HRH1: variants seen among roughly 807,000 people sequenced by gnomAD.
The protein encoded by HRH1 is histamine receptor H1.
Under a neutral mutation model 10.3 loss-of-function variants are expected in HRH1, and 6 were observed. The observed-to-expected ratio is 0.58, with a 90% CI of 0.32 to 1.15. The LOEUF (loss-of-function observed/expected upper bound fraction) is 1.15, where lower values mean the gene tolerates loss of function less well. Ranked by LOEUF, HRH1 falls within the 50% of genes most tolerant of loss-of-function variation. The probability of loss-of-function intolerance (pLI) is 0.05; values close to 1 mark genes in which losing one functional copy is unlikely to be tolerated. For missense variants in HRH1, 514 were observed against 615.3 expected, an observed-to-expected ratio of 0.84 and a Z score of 1.74; for synonymous variants, 242 against 236.7, an observed-to-expected ratio of 1.02 and a Z score of -0.21.
chr3:11,200,000 AC>A (rs1937840765), intron 1 of HRH1, among the ~76,000 whole-genome samples: 1 of 152,160 alleles, frequency 6.6e-6, no homozygotes, highest in Non-Finnish European at 1.5e-5. Context: ...TGGACATGAC[AC>A]ATGTGGGAGG....
intron 1 of HRH1, among the ~76,000 whole-genome samples, chr3:11,193,607 A>G (rs967148029): frequency 1.3e-5 from 2 of 151,598 alleles, no homozygotes; most frequent in African/African-American, 2.4e-5. Flanking sequence ...TCAGGCTGCT[A>G]TAACGAAATG....
At chr3:11,231,087 A>T (rs764725289) in intron 1 of HRH1, among the ~76,000 whole-genome samples, 1 of 152,176 alleles carries the variant, frequency 6.6e-6, no homozygotes, top group Non-Finnish European at 1.5e-5. Flanking sequence ...TGTTACATAA[A>T]TGTCACACAG....
chr3:11,189,184 G>T (rs1008310864), intron 1 of HRH1, among the ~76,000 whole-genome samples: 2 of 151,152 alleles, frequency 1.3e-5, no homozygotes, highest in African/African-American at 4.9e-5. Context: ...CTGTGTAGAT[G>T]CAACCCCAGA....
chr3:11,246,771 C>T (rs969547923), intron 1 of HRH1, among the ~76,000 whole-genome samples: 9 of 152,230 alleles, frequency 5.9e-5, no homozygotes, highest in Admixed American at 6.5e-5. Context: ...TGGCTGGGCA[C>T]GGTGACTCAC....
upstream of HRH1, among the ~76,000 whole-genome samples, chr3:11,153,317 G>A (rs966791165): frequency 6.6e-6 from 1 of 152,076 alleles, no homozygotes; most frequent in African/African-American, 2.4e-5. Flanking sequence ...TGACACAATG[G>A]CCCCTGTCTT....
At chr3:11,236,738 C>A (rs530615930) in intron 1 of HRH1, among the ~76,000 whole-genome samples, 81 of 152,264 alleles carry the variant, frequency 5.3e-4, no homozygotes, top group African/African-American at 1.9e-3. Context: ...ATATAAATAA[C>A]CCCTGTATAT....
upstream of HRH1, among the ~76,000 whole-genome samples, chr3:11,153,943 A>C (rs1324495316): frequency 3.9e-5 from 6 of 152,060 alleles, no homozygotes; most frequent in Non-Finnish European, 8.8e-5. Context: ...TCCTACTGTC[A>C]ATCTTGTTCC....
chr3:11,173,334 A>C (rs1428448510), intron 1 of HRH1, among the ~76,000 whole-genome samples: 10 of 152,294 alleles, frequency 6.6e-5, no homozygotes, highest in Non-Finnish European at 1.5e-5. Context: ...GGTCTGGCAC[A>C]TTAGGAAATA....
Position 11,259,587 on chromosome 3 carries a change from T to A in HRH1, c.550T>A (p.Phe184Ile). 2 of 1,613,984 alleles carry A rather than the reference T, an allele frequency of 1.2e-6. No homozygotes were observed. Among genetic ancestry groups the A allele is most frequent in the East Asian group, 2.2e-5 (1 of 44,876 alleles). ...CCGAGAGGACAAGTGTGAGACAGAC[T>A]TCTATGATGTCACCTGGTTCAAGGT... ...VRREDKCETD[F>I]YDVTWFKVMT... Residue 184 changes from phenylalanine (F) to isoleucine (I), a missense_variant, in exon 2 of 2, where the codon TTC becomes ATC. Transcript: ENST00000431010. This position sits in a 1 kb window ranked among gnomAD's most constrained non-coding sequence, Gnocchi z 4.6.
At chr3:11,156,147 G>A (rs1936785993) in intron 1 of HRH1, among the ~76,000 whole-genome samples, 1 of 152,210 alleles carries the variant, frequency 6.6e-6, no homozygotes, top group Non-Finnish European at 1.5e-5. Context: ...ACAACCCCAT[G>A]TAAATCCTCG....
intron 1 of HRH1, among the ~76,000 whole-genome samples, chr3:11,209,042 A>C (rs1486116548): frequency 6.6e-6 from 1 of 152,230 alleles, no homozygotes; most frequent in African/African-American, 2.4e-5. Flanking sequence ...GCTAAAATCT[A>C]AACAGCCCAA....
At chr3:11,141,392 AATTT>A (rs1395569901) in intron 1 of HRH1, among the ~76,000 whole-genome samples, 3 of 152,176 alleles carry the variant, frequency 2.0e-5, no homozygotes, top group Non-Finnish European at 4.4e-5. Context: ...CAACAATAAT[AATTT>A]ATTGTCTTTT....
chr3:11,205,983 C>T (rs1408134665), intron 1 of HRH1, among the ~76,000 whole-genome samples: 1 of 152,014 alleles, frequency 6.6e-6, no homozygotes, highest in Non-Finnish European at 1.5e-5. Flanking sequence ...TTGCTGCTAT[C>T]AGATGGCTGC....
In HRH1 at chr3:11,260,715, G is replaced by C. The variant is rs1419561224; in HGVS notation, c.*214G>C. On this transcript the variant is annotated 3_prime_UTR_variant, in exon 2 of 2. Transcript: ENST00000431010. ...GAGATTGAACTTTGAGGAGGAAGCA[G>C]AATCTTTGCAAGAAAGTCAGACCTG... is the stretch of plus-strand genomic sequence containing the variant. 2.0e-5 allele frequency: 10 copies of C among 506,058 alleles called. No individual in the cohort carries two copies. The allele number at this position is 506,058 out of a possible 1,614,324, so 31.3% of individuals were successfully genotyped here.
At chr3:11,212,568 A>G (rs1467346011) in intron 1 of HRH1, among the ~76,000 whole-genome samples, 1 of 152,154 alleles carries the variant, frequency 6.6e-6, no homozygotes, top group East Asian at 1.9e-4. Flanking sequence ...AACCAAGGCA[A>G]TGGGCACTTT....
At chr3:11,154,425 C>T (rs1936728707), upstream of HRH1, 1 of 131,882 alleles carries the variant, frequency 7.6e-6, no homozygotes, top group Non-Finnish European at 1.6e-5. The surrounding 1 kb of genome is among the most constrained non-coding windows in gnomAD (Gnocchi z 4.4). Flanking sequence ...GTGGGCCCCT[C>T]GGAGCGGCTC....
In HRH1 at chr3:11,259,360, A is replaced by T. The variant is rs1376009394; in HGVS notation, c.323A>T (p.Tyr108Phe). ...TGCCTCTTTTGGCTTTCCATGGACTATGTGGCCAGCACAGCGTCCATTTTC... is the reference window on the plus strand; with the variant it reads ...TGCCTCTTTTGGCTTTCCATGGACTTTGTGGCCAGCACAGCGTCCATTTTC... The part of the protein sequence containing the change: ...PLCLFWLSMD[Y>F]VASTASIFSV... Residue 108 changes from tyrosine (Y) to phenylalanine (F), a missense_variant, in exon 2 of 2, where the codon TAT becomes TTT. Coordinates refer to ENST00000431010, the MANE Select transcript of HRH1 (RefSeq NM_001098212.2). This position sits in a 1 kb window ranked among gnomAD's most constrained non-coding sequence, Gnocchi z 4.6. 1 of 1,613,560 alleles carries T rather than the reference A, an allele frequency of 6.2e-7. No homozygotes were observed. The highest frequency in any genetic ancestry group is 8.5e-7 in the Non-Finnish European group (1 of 1,179,906).
chr3:11,225,028 C>T (rs1030464882), intron 1 of HRH1, among the ~76,000 whole-genome samples: 1 of 152,190 alleles, frequency 6.6e-6, no homozygotes, highest in African/African-American at 2.4e-5. Flanking sequence ...GGATGCTCCA[C>T]TGCGGCTGCT....
intron 1 of HRH1, among the ~76,000 whole-genome samples, chr3:11,207,845 G>C (rs1938192781): frequency 6.6e-6 from 1 of 152,174 alleles, no homozygotes; most frequent in African/African-American, 2.4e-5. Context: ...AGAAGAGCGG[G>C]CATCCTTGTG....
Sources: gnomAD v4.1 joint callset for allele counts (sites outside exome capture counted in the v4.1 genomes callset) on GRCh38, gnomAD v4.1.1 for gene constraint, Gnocchi (gnomAD v3.1) non-coding constraint, MANE v1.5 for transcripts, NCBI Gene and HGNC (gene_info 2026-07-23, HGNC 2026-07-21) for gene names.